Variants in ZNF782 observed in about 807,000 individuals in gnomAD.
The protein encoded by ZNF782 is zinc finger protein 782.
In ZNF782, 12 loss-of-function variants were observed where a neutral mutation model predicts 13.0. The ratio of observed to expected loss-of-function variants is 0.92; its 90% CI spans 0.59 to 1.50. The LOEUF is 1.50. Among genes scored for constraint, ZNF782 ranks in the 40% most tolerant of loss-of-function variants. The pLI is 0.00. For synonymous variants in ZNF782, 284 were observed against 283.0 expected (o/e 1.00, Z -0.04); for missense variants, 770 against 822.9 (o/e 0.94, Z 0.79).
chr9:96,867,128 T>C (rs868259249), intron 1 of ZNF782, among the ~76,000 whole-genome samples: 1 of 152,282 alleles, frequency 6.6e-6, no homozygotes, highest in African/African-American at 2.4e-5. Context: ...TGTGAGGACA[T>C]GAGATTTGGG....
At chr9:96,903,556 GTTT>G in the ZNF782 span, among the ~76,000 whole-genome samples, 3 of 75,462 alleles carry the variant, frequency 4.0e-5, no homozygotes, top group Non-Finnish European at 6.5e-5. Flanking sequence ...TTTTATGTTG[GTTT>G]TTTTTTTTTT....
At chr9:96,931,928 G>A in the ZNF782 span, 1 of 1,612,036 alleles carries the variant, frequency 6.2e-7, no homozygotes, top group Non-Finnish European at 8.5e-7. Context: ...CGGCCCAAGT[G>A]GGGCTGGGGC....
At chr9:96,933,360 G>C in the ZNF782 span, among the ~76,000 whole-genome samples, 3 of 150,856 alleles carry the variant, frequency 2.0e-5, no homozygotes, top group African/African-American at 7.4e-5. Flanking sequence ...GCCACGGTTT[G>C]GGTTTAGGTC....
the ZNF782 span, among the ~76,000 whole-genome samples, chr9:96,917,773 C>A: frequency 6.6e-6 from 1 of 151,612 alleles, no homozygotes; most frequent in Admixed American, 6.6e-5. Flanking sequence ...GCCCAGAATG[C>A]AGCACAGTGG....
the ZNF782 span, among the ~76,000 whole-genome samples, chr9:96,916,422 G>A: frequency 6.6e-5 from 10 of 151,986 alleles, no homozygotes; most frequent in South Asian, 1.5e-3. Context: ...CCTGGAAGGC[G>A]GATTTGCAGT....
upstream of ZNF782, among the ~76,000 whole-genome samples, chr9:96,857,035 C>G (rs1036433033): frequency 2.6e-5 from 4 of 152,146 alleles, no homozygotes; most frequent in Admixed American, 2.0e-4. Flanking sequence ...TAAGCTAGTG[C>G]CCTATATAGA....
At chr9:96,916,472 G>A in the ZNF782 span, among the ~76,000 whole-genome samples, 1 of 151,740 alleles carries the variant, frequency 6.6e-6, no homozygotes, top group African/African-American at 2.4e-5. Flanking sequence ...CTGGATGGCA[G>A]AGTAAGACTC....
rs372568852 is a variant in ZNF782 at position 96,852,005 on chromosome 9, G to A, written c.-44C>T. ...GAGTATAGAGAACTGTAAAGCCTCA[G>A]CTGGGGGGACAGAAAGAGGATGTCA... On this transcript the variant is annotated splice_region_variant and 5_prime_UTR_variant, in exon 3 of 6. Coordinates refer to ENST00000481138, the MANE Select transcript of ZNF782 (RefSeq NM_001001662.3). The A allele has an allele frequency of 7.5e-6, 12 of 1,604,488 alleles. No homozygotes were observed. In the African/African-American group the frequency reaches 1.1e-4, roughly 14 times the overall value.
the ZNF782 span, among the ~76,000 whole-genome samples, chr9:96,923,261 A>C: frequency 6.6e-6 from 1 of 150,610 alleles, no homozygotes; most frequent in African/African-American, 2.4e-5. Flanking sequence ...ATATGCAAAC[A>C]TGCCACCTCA....
the ZNF782 span, among the ~76,000 whole-genome samples, chr9:96,919,844 G>A: frequency 2.0e-5 from 3 of 150,996 alleles, no homozygotes; most frequent in South Asian, 2.1e-4. Context: ...ACAGGCATGC[G>A]CCACTACACC....
rs146058964 is a variant in ZNF782, at chr9:96,819,061, C to A, written c.962G>T (p.Arg321Leu). 1 of 1,614,000 alleles carries A rather than the reference C, an allele frequency of 6.2e-7. No individual in the cohort carries two copies. The highest frequency in any genetic ancestry group is 8.5e-7 in the Non-Finnish European group (1 of 1,180,020). Residue 321 changes from arginine (R) to leucine (L), a missense_variant, in exon 6 of 6, where the codon CGT (arginine) becomes CTT (leucine). By Grantham distance (102) the Arg-to-Leu change is moderately radical. Transcript: ENST00000481138. ...CTGATGCACTGGGAGGGTTGAATTA[C>A]GGTTGAAACTTTTTCCATATTCAAA... is the stretch of plus-strand genomic sequence containing the variant. ...KPFEYGKSFN[R>L]NSTLPVHQRT...
the ZNF782 span, among the ~76,000 whole-genome samples, chr9:96,917,731 G>A: frequency 2.0e-5 from 3 of 151,522 alleles, no homozygotes; most frequent in Non-Finnish European, 4.4e-5. Flanking sequence ...TGCCCGACCA[G>A]AAATTTTTTT....
In ZNF782 at chr9:96,816,491, ATT is replaced by A. The variant is rs1354124109; in HGVS notation, c.*1430_*1431del. On this transcript the variant is annotated 3_prime_UTR_variant, in exon 6 of 6. Transcript: ENST00000481138. ...CACTGCTTTTCAGTTTATGCAGTTTATTTTTTGTTCTTTTTAAGCTTTTTATT... is the reference window on the plus strand; with the variant it reads ...CACTGCTTTTCAGTTTATGCAGTTTATTTTGTTCTTTTTAAGCTTTTTATT... 6.6e-6 allele frequency: 1 copy of A among 152,070 alleles called. No individual in the cohort carries two copies. Among genetic ancestry groups the A allele is most frequent in the Admixed American group, 6.6e-5 (1 of 15,260 alleles). 9.4% of individuals were successfully genotyped at this position (152,070 alleles called of 1,614,324 possible). A position where few individuals can be genotyped will look rare whatever the true frequency, so the allele number is the denominator to read the frequency against.
intron 4 of ZNF782, among the ~76,000 whole-genome samples, chr9:96,829,992 T>C (rs988379740): frequency 2.0e-5 from 3 of 152,150 alleles, no homozygotes; most frequent in African/African-American, 7.2e-5. Context: ...ATGACAATGA[T>C]GAGTTCCCCG....
chr9:96,919,248 A>G, the ZNF782 span: 1 of 120,944 alleles, frequency 8.3e-6, no homozygotes, highest in Non-Finnish European at 1.7e-5. Context: ...CAAACCACCA[A>G]GCTGTTTCCT....
Position 96,818,274 on chromosome 9 carries a change from A to T in ZNF782, c.1749T>A (p.Thr583=). 6.2e-7 allele frequency: 1 copy of T among 1,613,556 alleles called. No homozygotes were observed. Among genetic ancestry groups the T allele is most frequent in the Non-Finnish European group, 8.5e-7 (1 of 1,179,954 alleles). The change falls in exon 6 of 6, where the codon ACT becomes ACA. Residue 583 remains threonine (T), a synonymous_variant. Transcript: ENST00000481138. The part of the protein sequence containing the change: ...QKSNLRVHHR[T]HTGEKPYQCE... ...ATTGATAGGGTTTCTCCCCAGTATG[A>T]GTTCTGTGATGTACTCTGAGGTTTG... is the stretch of plus-strand genomic sequence containing the variant.
At chr9:96,855,106 G>C (rs1258380608), upstream of ZNF782, among the ~76,000 whole-genome samples, 1 of 152,134 alleles carries the variant, frequency 6.6e-6, no homozygotes, top group Non-Finnish European at 1.5e-5. Context: ...GGTCGAGCCC[G>C]GTGCTGCAGG....
chr9:96,830,575 AG>A (rs1189444524), intron 4 of ZNF782, among the ~76,000 whole-genome samples: 2 of 152,172 alleles, frequency 1.3e-5, no homozygotes, highest in Admixed American at 6.5e-5. Flanking sequence ...TTTAATAATA[AG>A]GCAGCACCCC....
intron 4 of ZNF782, among the ~76,000 whole-genome samples, chr9:96,840,901 G>C (rs1270724323): frequency 6.6e-6 from 1 of 151,834 alleles, no homozygotes; most frequent in Admixed American, 6.6e-5. Flanking sequence ...AAAAAGTTAA[G>C]AGTAGAAATC....
Sources: allele counts gnomAD v4.1 joint callset (sites outside exome capture counted in the v4.1 genomes callset), GRCh38; gene constraint gnomAD v4.1.1; transcripts MANE v1.5; gene names NCBI Gene and HGNC (gene_info 2026-07-23, HGNC 2026-07-21).